GRID2IP: variants seen among roughly 807,000 people sequenced by gnomAD.
GRID2IP encodes the protein delphilin.
Under a neutral mutation model 114.3 loss-of-function variants are expected in GRID2IP, and 78 were observed. That is an observed-to-expected ratio of 0.68 (90% CI 0.57 to 0.82). GRID2IP has a LOEUF of 0.82. Ranked by LOEUF, GRID2IP falls within the 40% of genes least tolerant of loss-of-function variation. The probability of loss-of-function intolerance (pLI) is 0.00; values close to 1 mark genes in which losing one functional copy is unlikely to be tolerated. For missense variants in GRID2IP, 1,727 were observed against 1,678.5 expected (o/e 1.03, Z -0.51); for synonymous variants, 809 against 724.0 (o/e 1.12, Z -1.89).
intron 2 of GRID2IP, among the ~76,000 whole-genome samples, chr7:6,538,002 A>G (rs1446738719): frequency 6.6e-6 from 1 of 152,112 alleles, no homozygotes; most frequent in Non-Finnish European, 1.5e-5. Context: ...TGGGGTTAAT[A>G]ACAGCTCTTG....
intron 2 of GRID2IP, among the ~76,000 whole-genome samples, chr7:6,530,838 A>T (rs117554880): frequency 0.037 from 5,605 of 152,310 alleles, 183 homozygotes; most frequent in Admixed American, 0.12. Flanking sequence ...CTTTAGGGCC[A>T]CGCACGGGTT....
chr7:6,544,889 A>G (rs12540041), intron 1 of GRID2IP, among the ~76,000 whole-genome samples: 130,484 of 151,728 alleles, frequency 0.86, 56,593 homozygotes, highest in African/African-American at 0.9. Context: ...AGACCATCCC[A>G]ACTGACACGG....
chr7:6,497,045 G>C lies in GRID2IP; in HGVS notation c.*729C>G, dbSNP rs1786274416. On this transcript the variant is annotated 3_prime_UTR_variant, in exon 22 of 22. Transcript: ENST00000457091. Reference sequence around the variant, plus strand: ...TGAGAAGTCTGGCAGTTGGCCACCAGATCCTGCTCACCTCCTGCCTCAACA... The same window carrying C: ...TGAGAAGTCTGGCAGTTGGCCACCACATCCTGCTCACCTCCTGCCTCAACA... Among the ~76,000 whole-genome samples, 1 of 152,152 alleles carries C rather than the reference G, an allele frequency of 6.6e-6. No homozygotes were observed. The highest frequency in any genetic ancestry group is 1.5e-5 in the Non-Finnish European group (1 of 68,028).
chr7:6,521,907 G>A lies in GRID2IP; in HGVS notation c.970C>T (p.Leu324Phe). 6.4e-7 allele frequency: 1 copy of A among 1,551,420 alleles called. No individual in the cohort carries two copies. Reference protein sequence around the residue: ...ALKSGDRILFLNGLDMRNCSH... With the variant: ...ALKSGDRILFFNGLDMRNCSH... ...TCTGACCTCATGTCCAGTCCATTGA[G>A]GAAGAGGATCCGGTCACCTGACTTG... The change falls in exon 5 of 22, where the codon CTC (leucine) becomes TTC (phenylalanine). Residue 324 changes from leucine to phenylalanine, a missense_variant. By Grantham distance (22) the Leu-to-Phe change is conservative (BLOSUM62 0). Transcript: ENST00000457091. This position sits in a 1 kb window ranked among gnomAD's most constrained non-coding sequence, Gnocchi z 4.1.
intron 1 of GRID2IP, 46 bp downstream of exon 1, chr7:6,550,962 A>G (rs1779964611): frequency 7.6e-6 from 9 of 1,190,524 alleles, no homozygotes; most frequent in Middle Eastern, 3.3e-4. Flanking sequence ...TGCCCACATT[A>G]TGAGCCCCCT....
chr7:6,531,067 C>A, intron 2 of GRID2IP: 1 of 632,570 alleles, frequency 1.6e-6, no homozygotes, highest in Non-Finnish European at 2.8e-6. Context: ...GGGGAAGCTA[C>A]CGAAAGTGCC....
intron 4 of GRID2IP, among the ~76,000 whole-genome samples, chr7:6,522,652 AT>A (rs986769297): frequency 3.4e-4 from 50 of 147,546 alleles, no homozygotes; most frequent in African/African-American, 7.4e-4. Flanking sequence ...CTCCGGGCTA[AT>A]TTTTTTTTTT....
chr7:6,539,791 C>A lies in GRID2IP; in HGVS notation c.511G>T (p.Val171Leu), dbSNP rs1383349700. The A allele has an allele frequency of 6.4e-7, 1 of 1,550,778 alleles. No homozygotes were observed. The highest frequency in any genetic ancestry group is 8.7e-7 in the Non-Finnish European group (1 of 1,146,970). ...GTGAGAGTCCACACCAGATCATCCA[C>A]CCGCTGCTCAGCTGCAAACTGCTTC... ...ALKQFAAEQR[V>L]DDLVWTLTLA... The change falls in exon 2 of 22, where the codon GTG becomes TTG. Residue 171 changes from valine (V) to leucine (L), a missense_variant. Transcript: ENST00000457091.
intron 15 of GRID2IP, among the ~76,000 whole-genome samples, chr7:6,503,962 G>C (rs1167158929): frequency 6.6e-6 from 1 of 151,632 alleles, no homozygotes; most frequent in Non-Finnish European, 1.5e-5. Context: ...CGGTGAGCAG[G>C]GGCCGGGAGA....
rs1779650182 is a variant in GRID2IP at position 6,532,488 on chromosome 7, C to G, written c.585-5719G>C. Among the ~76,000 whole-genome samples the G allele has an allele frequency of 6.6e-6, 1 of 152,142 alleles. No individual in the cohort carries two copies. Among genetic ancestry groups the G allele is most frequent in the Non-Finnish European group, 1.5e-5 (1 of 68,034 alleles). ...GCACTGCTCCCCAATACACTGCAGC[C>G]CCCCATTCCTGGCCCTTGCAAGACC... On this transcript the variant is annotated intron_variant, in intron 2 of 21. Transcript: ENST00000457091. The surrounding 1 kb of genome is among the most constrained non-coding windows in gnomAD (Gnocchi z 4.4).
chr7:6,545,578 C>G (rs771061374), intron 1 of GRID2IP, among the ~76,000 whole-genome samples: 3 of 152,170 alleles, frequency 2.0e-5, no homozygotes, highest in Non-Finnish European at 4.4e-5. Flanking sequence ...TCGAGGGTTT[C>G]CAGTCAGAGG....
chr7:6,549,973 T>C (rs1017262455), intron 1 of GRID2IP, among the ~76,000 whole-genome samples: 1 of 151,950 alleles, frequency 6.6e-6, no homozygotes, highest in Non-Finnish European at 1.5e-5. Flanking sequence ...CAAGAAGCGA[T>C]ATCTGTGGCT....
rs1018460537 is a variant in GRID2IP at position 6,520,906 on chromosome 7, G to A, written c.1085-145C>T. On this transcript the variant is annotated intron_variant, in intron 6 of 21. Coordinates refer to ENST00000457091, the MANE Select transcript of GRID2IP (RefSeq NM_001145118.2). This position sits in a 1 kb window ranked among gnomAD's most constrained non-coding sequence, Gnocchi z 4.6. ...GCATGGGAAGGCATGCCTGTGGCCC[G>A]ACACCGGGGCCAAGGATAGAGGGAG... 1.6e-5 allele frequency: 12 copies of A among 754,644 alleles called. No homozygotes were observed. The highest frequency in any genetic ancestry group is 3.5e-5 in the African/African-American group (2 of 56,524). 46.7% of individuals were successfully genotyped at this position (754,644 alleles called of 1,614,324 possible). A position where few individuals can be genotyped will look rare whatever the true frequency, so the allele number is the denominator to read the frequency against.
chr7:6,512,736 C>T (rs1779201998), intron 8 of GRID2IP, among the ~76,000 whole-genome samples: 1 of 152,114 alleles, frequency 6.6e-6, no homozygotes, highest in South Asian at 2.1e-4. Flanking sequence ...GTCTCGAACT[C>T]CTGACCTCAC....
rs1786657955 is a variant in GRID2IP, at chr7:6,508,329, T to C, written c.2200A>G (p.Ser734Gly). The C allele has an allele frequency of 6.4e-7, 1 of 1,551,478 alleles. No homozygotes were observed. Among genetic ancestry groups the C allele is most frequent in the East Asian group, 2.4e-5 (1 of 40,922 alleles). The change falls in exon 13 of 22, where the codon AGT becomes GGT. Residue 734 changes from serine (S) to glycine (G), a missense_variant. Physicochemically the swap from Ser to Gly is moderately conservative, Grantham distance 56. Coordinates refer to ENST00000457091, the MANE Select transcript of GRID2IP (RefSeq NM_001145118.2). This position sits in a 1 kb window ranked among gnomAD's most constrained non-coding sequence, Gnocchi z 5.6. ...RSSASDCISSSEEGSSLTYSS... is the reference protein window; with the variant it reads ...RSSASDCISSGEEGSSLTYSS... ...TAGGTCAGGGAGCTGCCTTCTTCAC[T>C]GCTGCTGATGCAGTCGCTGGCGCTG...
intron 20 of GRID2IP, among the ~76,000 whole-genome samples, chr7:6,500,102 C>A (rs548669428): frequency 6.6e-6 from 1 of 152,130 alleles, no homozygotes; most frequent in Non-Finnish European, 1.5e-5. Flanking sequence ...GCCGCCAATA[C>A]CCCTGGACTG....
At position 6,501,971 on chromosome 7, in the gene GRID2IP, T is replaced by A; in HGVS notation, c.3280+18A>T. 3.2e-6 allele frequency: 5 copies of A among 1,550,912 alleles called. No individual in the cohort carries two copies. The highest frequency in any genetic ancestry group is 4.4e-6 in the Non-Finnish European group (5 of 1,146,586). On this transcript the variant is annotated intron_variant, in intron 19 of 21. Transcript: ENST00000457091. ...AGGACAGCATGCCTCTGCCTCCCCA[T>A]CCACCCACCCAGCATACCTTTGGCA...
Position 6,503,651 on chromosome 7 carries a change from T to C in GRID2IP, c.2747A>G (p.Glu916Gly). The C allele has an allele frequency of 6.6e-7, 1 of 1,515,756 alleles. No homozygotes were observed. The allele number at this position is 1,515,756 out of a possible 1,614,324, so 93.9% of individuals were successfully genotyped here. Residue 916 changes from glutamate (E) to glycine (G), a missense_variant, in exon 16 of 22, where the codon GAG becomes GGG. Physicochemically the swap from Glu to Gly is moderately conservative, Grantham distance 98. Coordinates refer to ENST00000457091, the MANE Select transcript of GRID2IP (RefSeq NM_001145118.2). ...LLAHLKLSPA[E>G]LRQVLMSMEP... is the part of the protein sequence containing the mutation. ...CATGCTCATCAGCACCTGGCGCAGC[T>C]CCGCGGGGCTCAGCTTCAGGTGTGC...
Position 6,550,995 on chromosome 7 carries a change from C to A in GRID2IP, c.429+13G>T. 8.1e-7 allele frequency: 1 copy of A among 1,237,924 alleles called. No individual in the cohort carries two copies. 76.7% of individuals were successfully genotyped at this position (1,237,924 alleles called of 1,614,324 possible). ...CCTCCTTCCCGCCCCCACCTCCCAC[C>A]CCCGCGCCTTACCTTGCGGCTGAAC... is the stretch of plus-strand genomic sequence containing the variant. On this transcript the variant is annotated intron_variant, in intron 1 of 21. Coordinates refer to ENST00000457091, the MANE Select transcript of GRID2IP (RefSeq NM_001145118.2).
Sources: gnomAD v4.1 joint callset for allele counts (sites outside exome capture counted in the v4.1 genomes callset) on GRCh38, gnomAD v4.1.1 for gene constraint, Gnocchi (gnomAD v3.1) non-coding constraint, MANE v1.5 for transcripts, NCBI Gene and HGNC (gene_info 2026-07-23, HGNC 2026-07-21) for gene names.